SERPINA11: variants seen among roughly 807,000 people sequenced by gnomAD.
The protein encoded by SERPINA11 is serpin A11.
A neutral mutation model predicts 29.4 loss-of-function variants in SERPINA11; 28 were observed. The observed-to-expected ratio is 0.95, with a 90% CI of 0.70 to 1.30. The LOEUF (loss-of-function observed/expected upper bound fraction) is 1.30. Ranked by LOEUF, SERPINA11 falls within the 50% of genes most tolerant of loss-of-function variation. SERPINA11 has a pLI of 0.00. For missense variants in SERPINA11, 530 were observed against 507.3 expected (o/e 1.04, Z -0.43); for synonymous variants, 253 against 206.6 (o/e 1.22, Z -1.92).
At chr14:94,443,790 G>A (rs1182645691) in intron 3 of SERPINA11, among the ~76,000 whole-genome samples, 3 of 152,210 alleles carry the variant, frequency 2.0e-5, no homozygotes, top group Non-Finnish European at 4.4e-5. Context: ...GAGATCATGT[G>A]TGTTGGGCAT....
At chr14:94,446,629 C>T (rs76197647) in intron 2 of SERPINA11, 25 bp from the exon 3 acceptor site, 79 of 1,594,734 alleles carry the variant, frequency 5.0e-5, no homozygotes, top group Non-Finnish European at 6.1e-5. Context: ...CCCATAAGGC[C>T]ATGAGAACTC....
Position 94,448,311 on chromosome 14 carries a change from T to C in SERPINA11, c.464A>G (p.Asp155Gly). 6.2e-7 allele frequency: 1 copy of C among 1,614,240 alleles called. No homozygotes were observed. Among genetic ancestry groups the C allele is most frequent in the Non-Finnish European group, 8.5e-7 (1 of 1,180,050 alleles). Residue 155 changes from aspartate to glycine, a missense_variant, in exon 2 of 5, where the codon GAC becomes GGC. Transcript: ENST00000334708. Reference protein sequence around the residue: ...KRLKPRQHYLDSIKELYGAFA... With the variant: ...KRLKPRQHYLGSIKELYGAFA... Reference sequence around the variant, plus strand: ...AGCTCCATAAAGCTCCTTGATGCTGTCCAAATAGTGCTGCCGAGGCTTTAG... The same window carrying C: ...AGCTCCATAAAGCTCCTTGATGCTGCCCAAATAGTGCTGCCGAGGCTTTAG...
intron 2 of SERPINA11, among the ~76,000 whole-genome samples, chr14:94,447,012 T>C (rs1566783491): frequency 6.6e-6 from 1 of 152,244 alleles, no homozygotes; most frequent in South Asian, 2.1e-4. Context: ...CTGGGATGAC[T>C]GACTGAGCAG....
chr14:94,444,246 G>A (rs997467468), intron 3 of SERPINA11, among the ~76,000 whole-genome samples: 4 of 152,162 alleles, frequency 2.6e-5, no homozygotes, highest in Non-Finnish European at 5.9e-5. Context: ...AACTGTGAAT[G>A]AATACATACA....
chr14:94,443,031 C>T (rs779087614), intron 4 of SERPINA11, 47 bp downstream of exon 4: 224 of 1,572,324 alleles, frequency 1.4e-4, no homozygotes, highest in Non-Finnish European at 1.8e-4. Context: ...GGAGAAACCT[C>T]CTACCTACCC....
Position 94,448,535 on chromosome 14 carries a change from G to C in SERPINA11, c.240C>G (p.Ile80Met), listed in dbSNP as rs376133435. ...GAGAGAGCAGGGCCAGGGTGGTGGA[G>C]ATGCTCACTGGCGAGAAGAAGATGT... is the stretch of plus-strand genomic sequence containing the variant. ...PGNIFFSPVS[I>M]STTLALLSLG... is the part of the protein sequence containing the mutation. Residue 80 changes from isoleucine (I) to methionine (M), a missense_variant, in exon 2 of 5, where the codon ATC becomes ATG. Coordinates refer to ENST00000334708, the MANE Select transcript of SERPINA11 (RefSeq NM_001080451.2). 1 of 1,614,214 alleles carries C rather than the reference G, an allele frequency of 6.2e-7. No homozygotes were observed. The highest frequency in any genetic ancestry group is 1.1e-5 in the South Asian group (1 of 91,084).
intron 1 of SERPINA11, among the ~76,000 whole-genome samples, chr14:94,449,501 C>CTCTTTCTTTCTTTTTCTTTCTT (rs145017389): frequency 7.0e-5 from 8 of 115,050 alleles, no homozygotes; most frequent in African/African-American, 3.5e-4. Context: ...GTCTTTCTTT[C>CTCTTTCTTTCTTTTTCTTTCTT]TCTTTCTTTT....
At chr14:94,445,130 C>G (rs1898411228) in intron 3 of SERPINA11, among the ~76,000 whole-genome samples, 1 of 152,168 alleles carries the variant, frequency 6.6e-6, no homozygotes, top group East Asian at 1.9e-4. Context: ...TCCAGCCAGC[C>G]CAGCACAGGC....
At chr14:94,443,549 G>A (rs574552074) in intron 3 of SERPINA11, among the ~76,000 whole-genome samples, 1 of 152,298 alleles carries the variant, frequency 6.6e-6, no homozygotes, top group East Asian at 1.9e-4. Flanking sequence ...TGAACTGATG[G>A]AATCCAAATC....
intron 3 of SERPINA11, 27 bp from the exon 4 acceptor site, chr14:94,443,252 G>T (rs777392906): frequency 2.5e-6 from 4 of 1,603,418 alleles, no homozygotes; most frequent in Non-Finnish European, 3.4e-6. Flanking sequence ...ACAGAGAAAT[G>T]GTGCTCTCTT....
intron 1 of SERPINA11, among the ~76,000 whole-genome samples, chr14:94,449,409 CTTT>C (rs1898524238): frequency 1.3e-4 from 2 of 15,578 alleles, no homozygotes; most frequent in East Asian, 2.3e-3. Flanking sequence ...TCTTTCTATT[CTTT>C]CTTTCTTTCT....
rs752348602 is a variant in SERPINA11 at position 94,442,686 on chromosome 14, G to A, written c.1189C>T (p.Pro397Ser). ...ACCTCCCAAAGGAGCAAGAGGAAAG[G>A]CCTGTTGAAGTGGGCATGTGGGTCT... is the stretch of plus-strand genomic sequence containing the variant. ...MSDPHAHFNR[P>S]FLLLLWEVTT... The change falls in exon 5 of 5, where the codon CCT becomes TCT. Residue 397 changes from proline to serine, a missense_variant. Transcript: ENST00000334708. 4.3e-6 allele frequency: 7 copies of A among 1,613,330 alleles called. No homozygotes were observed. Among genetic ancestry groups the A allele is most frequent in the Non-Finnish European group, 5.9e-6 (7 of 1,179,672 alleles).
rs751188872 is a variant in SERPINA11 at position 94,448,731 on chromosome 14, G to A, written c.44C>T (p.Ala15Val). The A allele has an allele frequency of 6.6e-7, 1 of 1,518,402 alleles. No individual in the cohort carries two copies. The highest frequency in any genetic ancestry group is 8.8e-7 in the Non-Finnish European group (1 of 1,134,840). 94.1% of individuals were successfully genotyped at this position (1,518,402 alleles called of 1,614,324 possible). A position where few individuals can be genotyped will look rare whatever the true frequency, so the allele number is the denominator to read the frequency against. ...WLWLLGTGIL[A>V]SVHCQPLLAH... ...AAGAAGGGGCTGACAGTGGACAGAG[G>A]CCAGGATCCCTGTTCCCAGTAGCCA... Residue 15 changes from alanine to valine, a missense_variant, in exon 2 of 5, where the codon GCC becomes GTC. Coordinates refer to ENST00000334708, the MANE Select transcript of SERPINA11 (RefSeq NM_001080451.2).
Position 94,442,761 on chromosome 14 carries a change from C to T in SERPINA11, c.1114G>A (p.Gly372Arg), listed in dbSNP as rs770972131. Reference sequence around the variant, plus strand: ...TGGGAGAGGAGGCCTGAAGCAGCCCCGGCCTCGGTCCCCTTCTCACTCATG... The same window carrying T: ...TGGGAGAGGAGGCCTGAAGCAGCCCTGGCCTCGGTCCCCTTCTCACTCATG... ...VDMSEKGTEAGAASGLLSQPP... is the reference protein window; with the variant it reads ...VDMSEKGTEARAASGLLSQPP... Residue 372 changes from glycine (G) to arginine (R), a missense_variant, in exon 5 of 5, where the codon GGG becomes AGG. By Grantham distance (125) the Gly-to-Arg change is moderately radical. Coordinates refer to ENST00000334708, the MANE Select transcript of SERPINA11 (RefSeq NM_001080451.2). The T allele has an allele frequency of 2.9e-5, 46 of 1,612,822 alleles. No homozygotes were observed. Among genetic ancestry groups the T allele is most frequent in the Admixed American group, 8.3e-5 (5 of 59,958 alleles).
rs532640020 is a variant in SERPINA11 at position 94,452,580 on chromosome 14, C to G, written c.-4+149G>C. On this transcript the variant is annotated intron_variant, in intron 1 of 4. Coordinates refer to ENST00000334708, the MANE Select transcript of SERPINA11 (RefSeq NM_001080451.2). Reference sequence around the variant, plus strand: ...TCTTCAGGGACTTACTTCTCCCATCCTTACCATCAAAGCCAGGAACACACA... The same window carrying G: ...TCTTCAGGGACTTACTTCTCCCATCGTTACCATCAAAGCCAGGAACACACA... 12 of 143,764 alleles carry G rather than the reference C, an allele frequency of 8.3e-5. No individual in the cohort carries two copies. The East Asian group carries it at 2.4e-3, about 29-fold the overall frequency. 8.9% of individuals were successfully genotyped at this position (143,764 alleles called of 1,614,324 possible).
In SERPINA11 at chr14:94,442,601, C is replaced by T. The variant is rs778731965; in HGVS notation, c.*5G>A. ...GATAAGATAACTCCTGGCCTCCCAC[C>T]ATGGTTACCCTGCAACTGGGTTGAC... On this transcript the variant is annotated 3_prime_UTR_variant, in exon 5 of 5. Transcript: ENST00000334708. The T allele has an allele frequency of 6.2e-6, 10 of 1,601,388 alleles. No individual in the cohort carries two copies. The highest frequency in any genetic ancestry group is 7.7e-6 in the Non-Finnish European group (9 of 1,172,798).
At position 94,449,445 on chromosome 14, in the gene SERPINA11, C is replaced by CT. The variant is rs140935559; in HGVS notation, c.-3-669dup. Among the ~76,000 whole-genome samples the CT allele has an allele frequency of 2.1e-4, 23 of 110,026 alleles. 1 individual carries two copies. Among genetic ancestry groups the CT allele is most frequent in the African/African-American group, 1.1e-3 (21 of 19,036 alleles). 72.2% of individuals were successfully genotyped at this position (110,026 alleles called of 152,430 possible). A position where few individuals can be genotyped will look rare whatever the true frequency, so the allele number is the denominator to read the frequency against. On this transcript the variant is annotated intron_variant, in intron 1 of 4. Coordinates refer to ENST00000334708, the MANE Select transcript of SERPINA11 (RefSeq NM_001080451.2). ...TCTTTCTTTCTTTCTTTCTTTCTTT[C>CT]TTTCTTTCTTTCTTTCTTTCTTTCT... is the stretch of plus-strand genomic sequence containing the variant.
At chr14:94,443,992 A>G (rs947725982) in intron 3 of SERPINA11, among the ~76,000 whole-genome samples, 3 of 152,238 alleles carry the variant, frequency 2.0e-5, no homozygotes, top group Non-Finnish European at 2.9e-5. Context: ...TTCATAACCA[A>G]CTTGAACACT....
chr14:94,445,856 T>G (rs1898426442), intron 3 of SERPINA11, among the ~76,000 whole-genome samples: 2 of 152,172 alleles, frequency 1.3e-5, no homozygotes, highest in Admixed American at 1.3e-4. Context: ...GGATTGTAGG[T>G]CTGAGCTGCT....
Sources: allele counts gnomAD v4.1 joint callset (sites outside exome capture counted in the v4.1 genomes callset), GRCh38; gene constraint gnomAD v4.1.1; transcripts MANE v1.5; gene names NCBI Gene and HGNC (gene_info 2026-07-23, HGNC 2026-07-21).